TPTE: variants seen among roughly 807,000 people sequenced by gnomAD.
TPTE encodes putative tyrosine-protein phosphatase TPTE.
TPTE carries 59 observed loss-of-function variants against 84.1 expected under a neutral mutation model. That is an observed-to-expected ratio of 0.70 (90% CI 0.57 to 0.87). The LOEUF (loss-of-function observed/expected upper bound fraction) is 0.87. Among genes scored for constraint, TPTE ranks in the 40% least tolerant of loss-of-function variants. The probability of loss-of-function intolerance (pLI) is 0.00; values close to 1 mark genes in which losing one functional copy is unlikely to be tolerated. For synonymous variants in TPTE, 130 were observed against 223.5 expected, an observed-to-expected ratio of 0.58 and a Z score of 3.73; for missense variants, 382 against 659.6, an observed-to-expected ratio of 0.58 and a Z score of 4.61.
intron 10 of TPTE, among the ~76,000 whole-genome samples, chr21:10,562,446 G>T (rs1222390505): frequency 6.6e-6 from 1 of 152,308 alleles, no homozygotes; most frequent in Non-Finnish European, 1.5e-5. Context: ...TAGAAACAGA[G>T]ATATGTGACC....
chr21:10,580,100 G>A (rs1254119586), intron 17 of TPTE, among the ~76,000 whole-genome samples: 5 of 152,304 alleles, frequency 3.3e-5, no homozygotes, highest in Admixed American at 3.3e-4. Context: ...TTTCCCTGAT[G>A]ATTAATGATG....
chr21:10,566,357 C>G (rs548809912), intron 10 of TPTE, among the ~76,000 whole-genome samples: 165 of 152,358 alleles, frequency 1.1e-3, no homozygotes, highest in Non-Finnish European at 2.2e-3. Context: ...CAGGCAATAA[C>G]AAATCCTGAC....
chr21:10,567,037 A>G (rs2074935570), intron 10 of TPTE, among the ~76,000 whole-genome samples: 1 of 151,994 alleles, frequency 6.6e-6, no homozygotes, highest in South Asian at 2.1e-4. Context: ...GGAGATCACT[A>G]TGTTTGTTAA....
chr21:10,534,979 A>G (rs974660188), intron 3 of TPTE, among the ~76,000 whole-genome samples: 32 of 152,414 alleles, frequency 2.1e-4, no homozygotes, highest in Admixed American at 3.3e-4. Flanking sequence ...AAAATTAATG[A>G]TCTCATAGTC....
intron 3 of TPTE, among the ~76,000 whole-genome samples, chr21:10,528,109 A>T (rs1184408544): frequency 6.6e-6 from 1 of 152,310 alleles, no homozygotes; most frequent in African/African-American, 2.4e-5. Flanking sequence ...CTAGAGAAAA[A>T]TCAAGTACCA....
At chr21:10,523,830 G>A (rs2074031971) in intron 1 of TPTE, among the ~76,000 whole-genome samples, 1 of 152,310 alleles carries the variant, frequency 6.6e-6, no homozygotes, top group Non-Finnish European at 1.5e-5. Context: ...GGATGGCTGG[G>A]TCAAATGGTA....
Position 10,552,707 on chromosome 21 carries a change from C to T in TPTE, c.224C>T (p.Ala75Val), listed in dbSNP as rs762915125. 1.9e-6 allele frequency: 3 copies of T among 1,613,880 alleles called. No homozygotes were observed. The highest frequency in any genetic ancestry group is 2.5e-6 in the Non-Finnish European group (3 of 1,179,796). Residue 75 changes from alanine (A) to valine (V), a missense_variant, in exon 8 of 24, where the codon GCT (alanine) becomes GTT (valine). Coordinates refer to ENST00000618007, the MANE Select transcript of TPTE (RefSeq NM_199261.4). ...KFEVEDAENV[A>V]SYDSKIKKIV... ...GAAGTTGAAGATGCTGAAAATGTTGCTTCATATGAGTAAGTCAGTTTGAAG... is the reference window on the plus strand; with the variant it reads ...GAAGTTGAAGATGCTGAAAATGTTGTTTCATATGAGTAAGTCAGTTTGAAG...
At position 10,541,669 on chromosome 21, in the gene TPTE, T is replaced by G. The variant is rs377763544; in HGVS notation, c.65+504T>G. Among the ~76,000 whole-genome samples, 80 of 152,402 alleles carry G rather than the reference T, an allele frequency of 5.2e-4. No homozygotes were observed. The South Asian group carries it at 0.016, about 30-fold the overall frequency. ...ATTGTTTAGAAAAAAAGAAACTGAC[T>G]AGAGAGAGAGGCTTCCATCTGTTAC... On this transcript the variant is annotated intron_variant, in intron 5 of 23. Coordinates refer to ENST00000618007, the MANE Select transcript of TPTE (RefSeq NM_199261.4).
chr21:10,530,495 T>G (rs1345435012), intron 3 of TPTE, among the ~76,000 whole-genome samples: 2 of 152,308 alleles, frequency 1.3e-5, no homozygotes, highest in East Asian at 1.9e-4. Flanking sequence ...AACATAAGAT[T>G]ATTCTTCTTG....
intron 3 of TPTE, among the ~76,000 whole-genome samples, chr21:10,535,791 G>T (rs2074256219): frequency 6.6e-6 from 1 of 152,312 alleles, no homozygotes; most frequent in South Asian, 2.1e-4. Flanking sequence ...TGTGAGGCTG[G>T]TGCCCCAAAC....
intron 14 of TPTE, among the ~76,000 whole-genome samples, chr21:10,574,736 G>A (rs2075117252): frequency 6.6e-6 from 1 of 152,312 alleles, no homozygotes; most frequent in African/African-American, 2.4e-5. Flanking sequence ...CAGTGAGTGA[G>A]TGTGCAGTCC....
chr21:10,541,507 C>G (rs2074369300), intron 5 of TPTE, among the ~76,000 whole-genome samples: 1 of 152,300 alleles, frequency 6.6e-6, no homozygotes, highest in Admixed American at 6.5e-5. Flanking sequence ...CACACACACA[C>G]ACAAAACAGT....
intron 19 of TPTE, among the ~76,000 whole-genome samples, chr21:10,594,127 A>G (rs2075536700): frequency 6.6e-6 from 1 of 152,310 alleles, no homozygotes; most frequent in Non-Finnish European, 1.5e-5. Flanking sequence ...CTCAAGAGCC[A>G]CTCTTTGACT....
intron 17 of TPTE, among the ~76,000 whole-genome samples, chr21:10,581,834 A>T (rs2075276437): frequency 6.6e-6 from 1 of 152,312 alleles, no homozygotes; most frequent in Admixed American, 6.5e-5. Context: ...CCGGGGTTCA[A>T]GCGATCCTCC....
At chr21:10,522,147 C>T (rs1218674471) in intron 1 of TPTE, among the ~76,000 whole-genome samples, 3 of 151,588 alleles carry the variant, frequency 2.0e-5, no homozygotes, top group Admixed American at 1.3e-4. Flanking sequence ...TTGTCTTGTC[C>T]CCCCCCAGGA....
chr21:10,599,620 A>C (rs2075651565), intron 21 of TPTE, among the ~76,000 whole-genome samples: 1 of 152,312 alleles, frequency 6.6e-6, no homozygotes, highest in South Asian at 2.1e-4. Flanking sequence ...TTTGTCACAT[A>C]GGAAATGCTC....
intron 6 of TPTE, among the ~76,000 whole-genome samples, chr21:10,543,014 C>CTTTTTTTT (rs1051322060): frequency 2.2e-4 from 16 of 72,286 alleles, no homozygotes; most frequent in Non-Finnish European, 2.9e-4. Flanking sequence ...TGACTGTATT[C>CTTTTTTTT]TTTTTTTTTT....
intron 3 of TPTE, among the ~76,000 whole-genome samples, chr21:10,537,292 A>G (rs1211242534): frequency 2.6e-5 from 4 of 152,310 alleles, no homozygotes; most frequent in African/African-American, 9.6e-5. Flanking sequence ...TTGGTGTTGG[A>G]CGATACATAT....
chr21:10,601,594 C>T (rs1369386146), intron 21 of TPTE, among the ~76,000 whole-genome samples: 34 of 152,294 alleles, frequency 2.2e-4, no homozygotes, highest in African/African-American at 8.2e-4. Flanking sequence ...GTGGCTCATG[C>T]CTGTAATCCA....
Sources: allele counts gnomAD v4.1 joint callset (sites outside exome capture counted in the v4.1 genomes callset), GRCh38; gene constraint gnomAD v4.1.1; transcripts MANE v1.5; gene names NCBI Gene and HGNC (gene_info 2026-07-23, HGNC 2026-07-21).